CACNA1A: variants seen among roughly 807,000 people sequenced by gnomAD.
CACNA1A encodes voltage-dependent P/Q-type calcium channel subunit alpha-1A.
Under a neutral mutation model 262.4 loss-of-function variants are expected in CACNA1A, and 57 were observed. The observed-to-expected ratio is 0.22, with a 90% CI of 0.18 to 0.27. The LOEUF (loss-of-function observed/expected upper bound fraction) is 0.27, where lower values mean the gene tolerates loss of function less well. Among genes scored for constraint, CACNA1A ranks in the 10% least tolerant of loss-of-function variants. The pLI, the probability that CACNA1A is intolerant of heterozygous loss-of-function variation, is 1.00. For synonymous variants in CACNA1A, 1,431 were observed against 1,419.3 expected, an observed-to-expected ratio of 1.01 and a Z score of -0.18; for missense variants, 2,526 against 3,562.8, an observed-to-expected ratio of 0.71 and a Z score of 7.41.
At chr19:13,346,637 TATATATATATATATATATATATATA>T (rs1568557112) in intron 6 of CACNA1A, among the ~76,000 whole-genome samples, 13 of 5,330 alleles carry the variant, frequency 2.4e-3, no homozygotes, top group Non-Finnish European at 5.0e-3. Context: ...TATATATATA[TATATATATATATATATATATATATA>T]TATATTTTTT....
chr19:13,217,250 C>G (rs201042536), intron 38 of CACNA1A, among the ~76,000 whole-genome samples: 1 of 146,058 alleles, frequency 6.8e-6, no homozygotes, highest in African/African-American at 2.5e-5. Context: ...GAGAGAGAGA[C>G]AGAGACAGAG....
At chr19:13,223,275 C>A (rs948516889) in intron 38 of CACNA1A, among the ~76,000 whole-genome samples, 1 of 152,142 alleles carries the variant, frequency 6.6e-6, no homozygotes, top group Non-Finnish European at 1.5e-5. Context: ...CTCACTGCAA[C>A]CTCCGCCTCC....
intron 40 of CACNA1A, chr19:13,213,821 C>T (rs2054903878): frequency 5.9e-6 from 1 of 168,236 alleles, no homozygotes; most frequent in Admixed American, 5.8e-5. Context: ...GTAGCTGGGA[C>T]CACAGGTGCA....
chr19:13,277,915 C>A, intron 22 of CACNA1A: 1 of 152,162 alleles, frequency 6.6e-6, no homozygotes. Flanking sequence ...GGCAAAACCC[C>A]GTGTCTACTA....
intron 3 of CACNA1A, among the ~76,000 whole-genome samples, chr19:13,445,140 CA>C (rs146865083): frequency 0.039 from 4,097 of 103,954 alleles, 125 homozygotes; most frequent in African/African-American, 0.11. Context: ...AACTCCGTCT[CA>C]AAAAAAAAAA....
chr19:13,472,447 G>A (rs759694685), intron 1 of CACNA1A, among the ~76,000 whole-genome samples: 98 of 152,168 alleles, frequency 6.4e-4, no homozygotes, highest in Middle Eastern at 3.4e-3. Context: ...GTTCACCTCC[G>A]GAACTTGACC....
At chr19:13,381,344 A>G (rs1238696736) in intron 3 of CACNA1A, among the ~76,000 whole-genome samples, 1 of 148,388 alleles carries the variant, frequency 6.7e-6, no homozygotes, top group African/African-American at 2.4e-5. Flanking sequence ...GGCTGCAGTG[A>G]GCTGTGATCG....
intron 6 of CACNA1A, among the ~76,000 whole-genome samples, chr19:13,354,025 G>A (rs1013637030): frequency 2.6e-5 from 4 of 152,176 alleles, no homozygotes; most frequent in African/African-American, 9.7e-5. Context: ...TCCTACCAGG[G>A]TGGAGATTTT....
chr19:13,311,387 G>A (rs1020314108), intron 12 of CACNA1A, among the ~76,000 whole-genome samples: 16 of 152,124 alleles, frequency 1.1e-4, no homozygotes, highest in South Asian at 2.1e-4. Flanking sequence ...CATCACACCC[G>A]GCTTTCTTTT....
intron 43 of CACNA1A, chr19:13,211,089 C>T (rs964359420): frequency 2.9e-5 from 6 of 209,240 alleles, no homozygotes; most frequent in East Asian, 1.2e-4. Flanking sequence ...CCCAGCAGCT[C>T]GGTCCTGAGG....
intron 46 of CACNA1A, 79 bp from the exon 47 acceptor site, chr19:13,208,132 G>C (rs1383045098): frequency 2.0e-6 from 2 of 1,013,404 alleles, no homozygotes; most frequent in Non-Finnish European, 1.2e-6. Flanking sequence ...GGGAGGAAGA[G>C]AGGGGAGCGA....
At chr19:13,221,234 CTTTT>C (rs57377809) in intron 38 of CACNA1A, among the ~76,000 whole-genome samples, 3 of 36,306 alleles carry the variant, frequency 8.3e-5, no homozygotes, top group East Asian at 1.4e-3. Flanking sequence ...TTCTTTCTTT[CTTTT>C]TTTTTTTTTT....
chr19:13,423,863 T>C (rs939626840), intron 3 of CACNA1A, among the ~76,000 whole-genome samples: 3 of 152,140 alleles, frequency 2.0e-5, no homozygotes, highest in Middle Eastern at 3.2e-3. Context: ...GCATTTCCAG[T>C]AGCCAGAGCT....
At chr19:13,231,173 T>C (rs1013263887) in intron 35 of CACNA1A, among the ~76,000 whole-genome samples, 3 of 136,488 alleles carry the variant, frequency 2.2e-5, no homozygotes, top group African/African-American at 8.2e-5. Context: ...GTGCAGCTAA[T>C]TCAATTTTTT....
At position 13,237,047 on chromosome 19, in the gene CACNA1A, A is replaced by G. The variant is rs190566919; in HGVS notation, c.4951-1317T>C. Among the ~76,000 whole-genome samples the G allele has an allele frequency of 4.1e-4, 62 of 152,244 alleles. 2 individuals are homozygous for G. Among genetic ancestry groups the G allele is most frequent in the Admixed American group, 3.9e-3 (59 of 15,292 alleles). The stretch of plus-strand genomic sequence containing the variant: ...AAAAATCAAGAGATTTTGCCCACCA[A>G]TCTGGCTTTCTGGCAACCCCAGGCC... On this transcript the variant is annotated intron_variant, in intron 31 of 46. Coordinates refer to ENST00000360228, the MANE Select transcript of CACNA1A (RefSeq NM_001127222.2).
chr19:13,257,673 G>GA, intron 27 of CACNA1A, 122 bp from the exon 28 acceptor site: 1 of 527,270 alleles, frequency 1.9e-6, no homozygotes, highest in South Asian at 3.9e-5. Context: ...AGAGGGAAAT[G>GA]AAAAAGAAAT....
intron 6 of CACNA1A, among the ~76,000 whole-genome samples, chr19:13,357,331 G>A (rs979916187): frequency 1.3e-5 from 2 of 152,242 alleles, no homozygotes; most frequent in Non-Finnish European, 2.9e-5. Context: ...TAAATGGGTT[G>A]TTAAGGAACA....
chr19:13,505,788 C>G, intron 1 of CACNA1A, 144 bp downstream of exon 1: 1 of 792,952 alleles, frequency 1.3e-6, no homozygotes, highest in Non-Finnish European at 2.1e-6. Flanking sequence ...ACACTCCTCC[C>G]GGTGCCCCCT....
chr19:13,239,757 C>T (rs1050791494), intron 31 of CACNA1A, among the ~76,000 whole-genome samples: 1 of 151,504 alleles, frequency 6.6e-6, no homozygotes, highest in Non-Finnish European at 1.5e-5. Flanking sequence ...AGTGGGGGTA[C>T]AGGGTGGGTA....
Sources: gnomAD v4.1 joint callset for allele counts (sites outside exome capture counted in the v4.1 genomes callset) on GRCh38, gnomAD v4.1.1 for gene constraint, MANE v1.5 for transcripts, NCBI Gene and HGNC (gene_info 2026-07-23, HGNC 2026-07-21) for gene names.